The following RAB19 variants were observed in gnomAD, a reference collection of about 807,000 sequenced individuals.
RAB19 encodes RAB19, member RAS oncogene family.
Under a neutral mutation model 17.3 loss-of-function variants are expected in RAB19, and 21 were observed. That is an observed-to-expected ratio of 1.21 (90% CI 0.86 to 1.74). The LOEUF (loss-of-function observed/expected upper bound fraction) is 1.74, where lower values mean the gene tolerates loss of function less well. Among genes scored for constraint, RAB19 ranks in the 40% most tolerant of loss-of-function variants. The pLI, the probability that RAB19 is intolerant of heterozygous loss-of-function variation, is 0.00. For synonymous variants in RAB19, 126 were observed against 110.4 expected (o/e 1.14, Z -0.88); for missense variants, 277 against 286.8 (o/e 0.97, Z 0.25).
At chr7:140,407,879 CCTTTTTTTTTTTTT>C in intron 2 of RAB19, 32 bp downstream of exon 2, 1 of 848,196 alleles carries the variant, frequency 1.2e-6, no homozygotes, top group Non-Finnish European at 1.8e-6. Context: ...ACTGGTTCCA[CCTTTTTTTTTTTTT>C]TTTTTTTTTT....
At chr7:140,420,420 CAA>C (rs560889183) in intron 3 of RAB19, among the ~76,000 whole-genome samples, 12 of 87,258 alleles carry the variant, frequency 1.4e-4, no homozygotes, top group East Asian at 3.1e-4. Context: ...GACTCCATAT[CAA>C]AAAAAAAAAA....
At chr7:140,413,581 G>A (rs1395806511) in intron 3 of RAB19, among the ~76,000 whole-genome samples, 1 of 152,088 alleles carries the variant, frequency 6.6e-6, no homozygotes, top group African/African-American at 2.4e-5. Flanking sequence ...CAGGCCTATA[G>A]TCCCAGCTAC....
chr7:140,407,892 T>A, intron 2 of RAB19, 45 bp downstream of exon 2: 1 of 1,198,646 alleles, frequency 8.3e-7, no homozygotes, highest in Non-Finnish European at 1.2e-6. Flanking sequence ...TTTTTTTTTT[T>A]TTTTTTTTTT....
intron 1 of RAB19, among the ~76,000 whole-genome samples, chr7:140,406,997 G>A (rs572682988): frequency 6.6e-6 from 1 of 151,898 alleles, no homozygotes; most frequent in Non-Finnish European, 1.5e-5. Context: ...GTGATTCTCT[G>A]GCCTCAGCCT....
intron 1 of RAB19, among the ~76,000 whole-genome samples, chr7:140,405,555 AG>A (rs1237815547): frequency 1.3e-5 from 1 of 79,918 alleles, no homozygotes; most frequent in Non-Finnish European, 2.4e-5. Context: ...ATGGGCGGGG[AG>A]GGGGGGCGCA....
chr7:140,417,248 A>AAG (rs1447147152), intron 3 of RAB19, among the ~76,000 whole-genome samples: 1 of 150,818 alleles, frequency 6.6e-6, no homozygotes, highest in Non-Finnish European at 1.5e-5. Flanking sequence ...AAAAAAAAAA[A>AAG]AAAATTAGCT....
intron 3 of RAB19, among the ~76,000 whole-genome samples, chr7:140,413,878 G>C (rs899504750): frequency 1.3e-5 from 2 of 152,054 alleles, no homozygotes; most frequent in African/African-American, 2.4e-5. Context: ...CGGAATGCAC[G>C]CATCTCACTT....
At chr7:140,409,209 C>T (rs1799304830) in intron 2 of RAB19, among the ~76,000 whole-genome samples, 1 of 151,594 alleles carries the variant, frequency 6.6e-6, no homozygotes, top group Admixed American at 6.6e-5. Flanking sequence ...ACTAAAAATA[C>T]AAAAATTATC....
intron 2 of RAB19, among the ~76,000 whole-genome samples, chr7:140,410,158 G>T (rs111693118): frequency 0.046 from 6,944 of 151,568 alleles, 510 homozygotes; most frequent in African/African-American, 0.16. Flanking sequence ...TTGAGACAGG[G>T]TCTCACTTTG....
chr7:140,405,664 G>A (rs1331658964), intron 1 of RAB19, among the ~76,000 whole-genome samples: 1 of 151,834 alleles, frequency 6.6e-6, no homozygotes, highest in African/African-American at 2.4e-5. Flanking sequence ...AGGCATGAGC[G>A]ACTGCGGCCT....
chr7:140,425,775 A>AATGC, intron 3 of RAB19, 107 bp from the exon 4 acceptor site: 1 of 1,175,104 alleles, frequency 8.5e-7, no homozygotes, highest in East Asian at 2.4e-5. Context: ...TTTGTGAATG[A>AATGC]ATGCATGCAT....
chr7:140,420,902 T>C (rs778449753), intron 3 of RAB19, among the ~76,000 whole-genome samples: 10 of 152,186 alleles, frequency 6.6e-5, no homozygotes, highest in Non-Finnish European at 1.0e-4. Context: ...ATTTTATTTT[T>C]ATTTTTTTGA....
At chr7:140,415,983 T>C (rs375974554) in intron 3 of RAB19, among the ~76,000 whole-genome samples, 37 of 150,768 alleles carry the variant, frequency 2.5e-4, no homozygotes, top group East Asian at 3.9e-4. Flanking sequence ...AGGTGGGGGG[T>C]TGCTTAAGGC....
rs1799695112 is a variant in RAB19, at chr7:140,427,712, A to G, written c.*1562A>G. On this transcript the variant is annotated 3_prime_UTR_variant, in exon 4 of 4. Transcript: ENST00000537763. ...TGATCCACCTGTCTCGTGGCCTCCC[A>G]AAGTGCTGGGATTACAGGTGTGAAC... Among the ~76,000 whole-genome samples, 1 of 151,960 alleles carries G rather than the reference A, an allele frequency of 6.6e-6. No homozygotes were observed. The highest frequency in any genetic ancestry group is 2.1e-4 in the South Asian group (1 of 4,814).
At chr7:140,425,180 G>A (rs1799640903) in intron 3 of RAB19, among the ~76,000 whole-genome samples, 1 of 152,126 alleles carries the variant, frequency 6.6e-6, no homozygotes, top group Admixed American at 6.5e-5. Flanking sequence ...CAGCTACTCG[G>A]GAGTCTGAGG....
chr7:140,420,986 G>A (rs28553284), intron 3 of RAB19, among the ~76,000 whole-genome samples: 10 of 151,000 alleles, frequency 6.6e-5, no homozygotes, highest in African/African-American at 1.9e-4. Flanking sequence ...TCCACCTCCC[G>A]GGTTCAAGCA....
At chr7:140,419,070 TG>T (rs150209955) in intron 3 of RAB19, among the ~76,000 whole-genome samples, 1,439 of 93,586 alleles carry the variant, frequency 0.015, 13 homozygotes, top group South Asian at 0.021. Context: ...TTTTGTGGTT[TG>T]TTTTTTTTTT....
chr7:140,419,943 A>G (rs1285166080), intron 3 of RAB19, among the ~76,000 whole-genome samples: 1 of 152,180 alleles, frequency 6.6e-6, no homozygotes, highest in Non-Finnish European at 1.5e-5. Context: ...CTGTTGTGAA[A>G]TACTTTTCAA....
intron 2 of RAB19, among the ~76,000 whole-genome samples, chr7:140,408,751 C>T (rs896505721): frequency 1.3e-5 from 2 of 152,110 alleles, no homozygotes; most frequent in African/African-American, 2.4e-5. Context: ...GCTGGGATTA[C>T]AGATGTGAAC....
Sources: allele counts gnomAD v4.1 joint callset (sites outside exome capture counted in the v4.1 genomes callset), GRCh38; gene constraint gnomAD v4.1.1; transcripts MANE v1.5; gene names NCBI Gene and HGNC (gene_info 2026-07-23, HGNC 2026-07-21).